Variants in MEI4 observed in about 807,000 individuals in gnomAD.
The protein encoded by MEI4 is meiosis-specific protein MEI4.
In MEI4, 27 loss-of-function variants were observed where a neutral mutation model predicts 31.4. The observed-to-expected ratio is 0.86, with a 90% confidence interval of 0.63 to 1.19. The LOEUF is 1.19. MEI4 is among the 50% of genes most tolerant of loss of function. The pLI is 0.00. For missense variants in MEI4, 329 were observed against 398.9 expected (o/e 0.82, Z 1.49); for synonymous variants, 122 against 145.4 (o/e 0.84, Z 1.16).
chr6:77,882,362 T>C (rs1771509607), intron 4 of MEI4, among the ~76,000 whole-genome samples: 1 of 152,212 alleles, frequency 6.6e-6, no homozygotes, highest in Non-Finnish European at 1.5e-5. Flanking sequence ...TCAATCTCCA[T>C]CATTTCCACA....
At chr6:77,747,875 G>C (rs559561751) in intron 2 of MEI4, among the ~76,000 whole-genome samples, 1 of 152,282 alleles carries the variant, frequency 6.6e-6, no homozygotes, top group East Asian at 1.9e-4. Context: ...ATACAATGGG[G>C]GTACTGGTGT....
At chr6:77,698,817 C>T (rs551720489) in intron 2 of MEI4, among the ~76,000 whole-genome samples, 97 of 152,238 alleles carry the variant, frequency 6.4e-4, no homozygotes, top group African/African-American at 1.6e-3. Context: ...GTTGGCCTGC[C>T]TTGCTAGATT....
chr6:77,841,333 A>ATACATATATATATATATATTTTTTTT, intron 4 of MEI4, among the ~76,000 whole-genome samples: 1 of 27,750 alleles, frequency 3.6e-5, no homozygotes, highest in Non-Finnish European at 5.2e-5. Context: ...ATATATATAT[A>ATACATATATATATATATATTTTTTTT]TTTTTTTTTT....
chr6:77,742,396 T>G (rs1767434864), intron 2 of MEI4, among the ~76,000 whole-genome samples: 1 of 152,114 alleles, frequency 6.6e-6, no homozygotes, highest in Non-Finnish European at 1.5e-5. Context: ...TTTTCCTGTG[T>G]TTTTTGGCTG....
At chr6:77,782,821 T>C (rs12201179) in intron 3 of MEI4, among the ~76,000 whole-genome samples, 42,790 of 152,128 alleles carry the variant, frequency 0.28, 6,789 homozygotes, top group South Asian at 0.39. Flanking sequence ...TTAATAGATA[T>C]ATGCAAAATA....
chr6:77,650,992 T>C (rs772548651), upstream of MEI4, among the ~76,000 whole-genome samples: 8 of 152,150 alleles, frequency 5.3e-5, no homozygotes, highest in Non-Finnish European at 1.0e-4. Flanking sequence ...TGAAGTGCTG[T>C]AGGTGTCAAA....
intron 4 of MEI4, among the ~76,000 whole-genome samples, chr6:77,867,631 A>G (rs1219597921): frequency 6.6e-6 from 1 of 152,198 alleles, no homozygotes; most frequent in African/African-American, 2.4e-5. Context: ...ACTTTAAACT[A>G]GTTCAACCAT....
At chr6:77,799,009 G>A (rs111700592) in intron 3 of MEI4, among the ~76,000 whole-genome samples, 22,556 of 151,992 alleles carry the variant, frequency 0.15, 1,808 homozygotes, top group East Asian at 0.27. Flanking sequence ...TATATACCCA[G>A]TAATGGGATT....
chr6:77,673,070 G>T (rs569521648), intron 1 of MEI4, among the ~76,000 whole-genome samples: 1 of 152,240 alleles, frequency 6.6e-6, no homozygotes, highest in East Asian at 1.9e-4. Flanking sequence ...TTGACTAATT[G>T]TTCTTCTAGT....
chr6:77,810,240 C>T (rs147366537), intron 3 of MEI4, among the ~76,000 whole-genome samples: 15 of 152,230 alleles, frequency 9.9e-5, no homozygotes, highest in African/African-American at 3.6e-4. Context: ...TCAGCATTTT[C>T]TGGTGCCAAG....
At chr6:77,799,362 T>C (rs1420581190) in intron 3 of MEI4, among the ~76,000 whole-genome samples, 1 of 152,210 alleles carries the variant, frequency 6.6e-6, no homozygotes, top group African/African-American at 2.4e-5. Flanking sequence ...CTTCTAAATT[T>C]GTTTGAGTTC....
chr6:77,882,015 CTG>C, intron 4 of MEI4, among the ~76,000 whole-genome samples: 1 of 152,206 alleles, frequency 6.6e-6, no homozygotes, highest in Non-Finnish European at 1.5e-5. Flanking sequence ...CAGATGCCAA[CTG>C]TAAGTTCCTA....
rs555299938 is a variant in MEI4 at position 77,734,759 on chromosome 6, G to T, written c.233-26371G>T. Among the ~76,000 whole-genome samples, 16 of 152,048 alleles carry T rather than the reference G, an allele frequency of 1.1e-4. No homozygotes were observed. The South Asian group carries it at 2.7e-3, about 26-fold the overall frequency. On this transcript the variant is annotated intron_variant, in intron 2 of 4. Transcript: ENST00000684080. ...GGTCTTTACCTTTTGGCATGATTTT[G>T]CAGTGGCTGTTACTGGTTGTTCCTT...
In MEI4 at chr6:77,687,541, A is replaced by C. The variant is rs549559386; in HGVS notation, c.-14-3117A>C. The stretch of plus-strand genomic sequence containing the variant: ...ACAGGTTTAAGGGCTCAGTTCCATC[A>C]GACTGCACTCAGTTTAAATGCCAGT... On this transcript the variant is annotated intron_variant, in intron 1 of 4. Transcript: ENST00000684080. 2.6e-5 allele frequency among the ~76,000 whole-genome samples: 4 copies of C among 152,248 alleles called. No individual in the cohort carries two copies. The South Asian group carries it at 8.3e-4, about 32-fold the overall frequency.
chr6:77,704,037 A>G (rs1766280246), intron 2 of MEI4, among the ~76,000 whole-genome samples: 2 of 152,186 alleles, frequency 1.3e-5, no homozygotes, highest in Admixed American at 6.5e-5. Flanking sequence ...GAGGATAACA[A>G]AAGAATCATT....
intron 3 of MEI4, among the ~76,000 whole-genome samples, chr6:77,765,546 C>T (rs1429087099): frequency 1.3e-5 from 2 of 150,502 alleles, no homozygotes; most frequent in African/African-American, 4.9e-5. Context: ...AGGTATATCT[C>T]CTAATGCTAT....
At chr6:77,768,428 G>A (rs535343794) in intron 3 of MEI4, among the ~76,000 whole-genome samples, 20 of 152,150 alleles carry the variant, frequency 1.3e-4, no homozygotes, top group African/African-American at 4.1e-4. Context: ...GGCTGGGTGC[G>A]GTGGCTCACG....
chr6:77,737,199 A>T (rs73457477), intron 2 of MEI4, among the ~76,000 whole-genome samples: 8,647 of 152,264 alleles, frequency 0.057, 679 homozygotes, highest in African/African-American at 0.17. Flanking sequence ...TTTCTAAGAC[A>T]GTATACTTTC....
intron 1 of MEI4, among the ~76,000 whole-genome samples, chr6:77,683,155 T>C (rs1768988622): frequency 6.6e-6 from 1 of 152,168 alleles, no homozygotes; most frequent in South Asian, 2.1e-4. Context: ...CTAAGCTTCT[T>C]TTCACAATCA....
Sources: allele counts gnomAD v4.1 joint callset (sites outside exome capture counted in the v4.1 genomes callset), GRCh38; gene constraint gnomAD v4.1.1; transcripts MANE v1.5; gene names NCBI Gene and HGNC (gene_info 2026-07-23, HGNC 2026-07-21).